Variants in SDHB observed in about 807,000 individuals in gnomAD.
The protein encoded by SDHB is succinate dehydrogenase complex iron sulfur subunit B.
In SDHB, 21 loss-of-function variants were observed where a neutral mutation model predicts 39.7. That is an observed-to-expected ratio of 0.53 (90% CI 0.37 to 0.76). The LOEUF (loss-of-function observed/expected upper bound fraction) is 0.76, where lower values mean the gene tolerates loss of function less well. Among genes scored for constraint, SDHB ranks in the 30% least tolerant of loss-of-function variants. The pLI, the probability that SDHB is intolerant of heterozygous loss-of-function variation, is 0.00. For synonymous variants in SDHB, 118 were observed against 117.0 expected, an observed-to-expected ratio of 1.01 and a Z score of -0.06; for missense variants, 343 against 350.9, an observed-to-expected ratio of 0.98 and a Z score of 0.18.
At chr1:17,052,790 T>C (rs1057243336) in intron 1 of SDHB, among the ~76,000 whole-genome samples, 1 of 152,160 alleles carries the variant, frequency 6.6e-6, no homozygotes, top group Non-Finnish European at 1.5e-5. Context: ...TATGCAGCCA[T>C]AGCAGGCACT....
chr1:17,025,383 T>C (rs1414595579), intron 5 of SDHB, among the ~76,000 whole-genome samples: 1 of 151,106 alleles, frequency 6.6e-6, no homozygotes, highest in Non-Finnish European at 1.5e-5. Context: ...TAACAGAGAT[T>C]ATGTTTTGGT....
intron 1 of SDHB, among the ~76,000 whole-genome samples, chr1:17,046,512 G>A (rs748109438): frequency 6.6e-6 from 1 of 152,056 alleles, no homozygotes; most frequent in African/African-American, 2.4e-5. Flanking sequence ...TTGTGCCCTT[G>A]ATGGCAAACA....
In SDHB at chr1:17,028,642, G is replaced by A; in HGVS notation, c.381C>T (p.Ile127=). 1.9e-6 allele frequency: 3 copies of A among 1,614,184 alleles called. No homozygotes were observed. The highest frequency in any genetic ancestry group is 2.5e-6 in the Non-Finnish European group (3 of 1,180,014). The change falls in exon 4 of 8, where the codon ATC becomes ATT. Residue 127 remains isoleucine (I), a synonymous_variant. Coordinates refer to ENST00000375499, the MANE Select transcript of SDHB (RefSeq NM_003000.3). The stretch of plus-strand genomic sequence containing the variant: ...TCACATACATGTGTGGAAGAGGGTA[G>A]ATTTTTGAGACCTTATTGAGGTTGG... ...IDTNLNKVSK[I]YPLPHMYVIK...
chr1:17,022,374 G>A (rs549062465), intron 7 of SDHB, among the ~76,000 whole-genome samples: 41 of 152,272 alleles, frequency 2.7e-4, no homozygotes, highest in Admixed American at 6.5e-4. Context: ...CTCCCACAAT[G>A]TCCCTGTGTA....
intron 3 of SDHB, among the ~76,000 whole-genome samples, chr1:17,029,101 T>TG (rs2078008740): frequency 2.1e-5 from 3 of 140,262 alleles, no homozygotes; most frequent in Admixed American, 7.1e-5. Context: ...CTGTTTTTTT[T>TG]TTTTTTTTTT....
In SDHB at chr1:17,033,133, C is replaced by A; in HGVS notation, c.213G>T (p.Met71Ile). 6.2e-7 allele frequency: 1 copy of A among 1,612,288 alleles called. No homozygotes were observed. Among genetic ancestry groups the A allele is most frequent in the South Asian group, 1.1e-5 (1 of 91,024 alleles). ...TAATCTTGATTAAAGCATCCAATACCATGGGGCCACATCTAACAAAGAAAA... is the reference window on the plus strand; with the variant it reads ...TAATCTTGATTAAAGCATCCAATACAATGGGGCCACATCTAACAAAGAAAA... ...YEVDLNKCGP[M>I]VLDALIKIKN... Residue 71 changes from methionine to isoleucine, a missense_variant, in exon 3 of 8, where the codon ATG (methionine) becomes ATT (isoleucine). Coordinates refer to ENST00000375499, the MANE Select transcript of SDHB (RefSeq NM_003000.3).
At chr1:17,034,248 A>G (rs1401978635) in intron 2 of SDHB, among the ~76,000 whole-genome samples, 6 of 152,118 alleles carry the variant, frequency 3.9e-5, no homozygotes, top group Non-Finnish European at 8.8e-5. Flanking sequence ...CCCAGCCTCA[A>G]GAGATCCTCC....
intron 1 of SDHB, 21 bp from the exon 2 acceptor site, chr1:17,044,909 CA>C (rs1557746706): frequency 6.2e-7 from 1 of 1,604,312 alleles, no homozygotes; most frequent in Non-Finnish European, 8.5e-7. Context: ...TTAAAGTTCA[CA>C]AAAAGGAAAA....
At chr1:17,026,767 T>C (rs1307353166) in intron 5 of SDHB, among the ~76,000 whole-genome samples, 2 of 152,170 alleles carry the variant, frequency 1.3e-5, no homozygotes, top group East Asian at 3.8e-4. Flanking sequence ...ACTGATACTT[T>C]TCATATATTC....
At chr1:17,050,519 C>T (rs745522247) in intron 1 of SDHB, among the ~76,000 whole-genome samples, 11 of 152,010 alleles carry the variant, frequency 7.2e-5, no homozygotes, top group Admixed American at 2.0e-4. Context: ...GGCACGATGG[C>T]GGGCACCTGT....
chr1:17,041,656 A>G (rs1229225575), intron 2 of SDHB, among the ~76,000 whole-genome samples: 3 of 152,216 alleles, frequency 2.0e-5, no homozygotes, highest in Admixed American at 2.0e-4. Flanking sequence ...AGTGAAACTC[A>G]GACTCAAAAT....
intron 3 of SDHB, chr1:17,032,752 A>G (rs1428007854): frequency 4.6e-6 from 2 of 433,512 alleles, no homozygotes; most frequent in Non-Finnish European, 8.6e-6. Context: ...AAAAGAGCTC[A>G]GCAGCATGGA....
intron 4 of SDHB, among the ~76,000 whole-genome samples, chr1:17,028,271 T>C (rs2078002686): frequency 6.6e-6 from 1 of 152,220 alleles, no homozygotes; most frequent in African/African-American, 2.4e-5. Flanking sequence ...AATGTTCCAA[T>C]TCTAAAATTC....
At chr1:17,046,773 A>G (rs1050019947) in intron 1 of SDHB, among the ~76,000 whole-genome samples, 3 of 152,060 alleles carry the variant, frequency 2.0e-5, no homozygotes, top group African/African-American at 7.2e-5. Flanking sequence ...GCTGGAGTGC[A>G]ATGGTGCAAT....
At chr1:17,033,711 C>T (rs1352002552) in intron 2 of SDHB, among the ~76,000 whole-genome samples, 1 of 152,224 alleles carries the variant, frequency 6.6e-6, no homozygotes, top group East Asian at 1.9e-4. Flanking sequence ...CTGGTCTGCA[C>T]CATGGCTGAG....
intron 2 of SDHB, among the ~76,000 whole-genome samples, chr1:17,034,491 C>T (rs1036159006): frequency 1.3e-5 from 2 of 152,144 alleles, no homozygotes; most frequent in Non-Finnish European, 2.9e-5. Flanking sequence ...AGCGATTCTC[C>T]TGCCTCAGCC....
At chr1:17,042,948 T>TTA (rs1443049735) in intron 2 of SDHB, among the ~76,000 whole-genome samples, 2 of 139,680 alleles carry the variant, frequency 1.4e-5, no homozygotes, top group Non-Finnish European at 3.1e-5. Flanking sequence ...GTTTTTTGTT[T>TTA]TATGAGTTTT....
intron 5 of SDHB, among the ~76,000 whole-genome samples, chr1:17,024,841 ATGAAAGG>A (rs778080009): frequency 1.6e-4 from 25 of 152,236 alleles, no homozygotes; most frequent in Admixed American, 5.2e-4. Flanking sequence ...AAACAGCAAA[ATGAAAGG>A]GGCCCACTGA....
chr1:17,053,159 G>A (rs968574434), intron 1 of SDHB, among the ~76,000 whole-genome samples: 2 of 152,150 alleles, frequency 1.3e-5, no homozygotes, highest in Non-Finnish European at 1.5e-5. Flanking sequence ...TTAGAAGGCA[G>A]GTCAGAAATG....
Sources: allele counts gnomAD v4.1 joint callset (sites outside exome capture counted in the v4.1 genomes callset), GRCh38; gene constraint gnomAD v4.1.1; transcripts MANE v1.5; gene names NCBI Gene and HGNC (gene_info 2026-07-23, HGNC 2026-07-21).